RRBP1: variants seen among roughly 807,000 people sequenced by gnomAD.
RRBP1 encodes the protein ribosome binding protein 1, also known as ribosome-binding protein 1.
Under a neutral mutation model 165.2 loss-of-function variants are expected in RRBP1, and 94 were observed. The observed-to-expected ratio is 0.57, with a 90% CI of 0.48 to 0.68. RRBP1 has a LOEUF of 0.68. Ranked by LOEUF, RRBP1 falls within the 30% of genes least tolerant of loss-of-function variation. RRBP1 has a pLI of 0.00. For synonymous variants in RRBP1, 680 were observed against 714.5 expected (o/e 0.95, Z 0.77); for missense variants, 1,676 against 1,763.0 (o/e 0.95, Z 0.88).
At chr20:17,666,605 C>G (rs1465339625) in intron 2 of RRBP1, among the ~76,000 whole-genome samples, 2 of 152,128 alleles carry the variant, frequency 1.3e-5, no homozygotes, top group Non-Finnish European at 2.9e-5. Flanking sequence ...GAAAAAAAGA[C>G]AGTATTGTTT....
intron 5 of RRBP1, 128 bp from the exon 6 acceptor site, chr20:17,636,857 G>T: frequency 2.5e-6 from 3 of 1,181,952 alleles, no homozygotes; most frequent in Non-Finnish European, 3.6e-6. Flanking sequence ...TGCTGGCCGG[G>T]TTCTCAGCTA....
At position 17,636,634 on chromosome 20, in the gene RRBP1, T is replaced by A. The variant is rs545729679; in HGVS notation, c.2280A>T (p.Ala760=). 2.5e-6 allele frequency: 4 copies of A among 1,613,028 alleles called. No homozygotes were observed. In the East Asian group the frequency reaches 8.9e-5, roughly 36 times the overall value. ...AREQEITAVQ[A]RMQASYREHV... ...GCTCCCGGTAGCTGGCCTGCATGCG[T>A]GCCTGCACAGCCGTGATCTCCTGCT... is the stretch of plus-strand genomic sequence containing the variant. The change falls in exon 6 of 25, where the codon GCA becomes GCT. Residue 760 remains alanine (A), a synonymous_variant. Transcript: ENST00000377813.
intron 3 of RRBP1, among the ~76,000 whole-genome samples, chr20:17,649,245 C>T (rs2036515424): frequency 6.6e-6 from 1 of 152,162 alleles, no homozygotes; most frequent in Non-Finnish European, 1.5e-5. Context: ...ACTTGATCTC[C>T]GTGTACACCT....
intron 13 of RRBP1, chr20:17,623,036 C>G (rs1328811845): frequency 6.6e-6 from 1 of 152,236 alleles, no homozygotes; most frequent in Non-Finnish European, 1.5e-5. Flanking sequence ...GACCCTTGAC[C>G]TCACGACCAC....
intron 8 of RRBP1, 88 bp from the exon 9 acceptor site, chr20:17,630,049 A>AC: frequency 7.0e-7 from 1 of 1,421,256 alleles, no homozygotes; most frequent in Non-Finnish European, 9.5e-7. Context: ...AGAGCTCTTT[A>AC]CCCCACCAAA....
intron 12 of RRBP1, among the ~76,000 whole-genome samples, 157 bp downstream of exon 12, chr20:17,625,355 A>AC (rs1231832914): frequency 1.3e-5 from 2 of 151,746 alleles, no homozygotes; most frequent in South Asian, 4.2e-4. Flanking sequence ...GAGTAGAAGC[A>AC]CCCCCCACAC....
rs367945745 is a variant in RRBP1, at chr20:17,633,606, C to T, written c.2464G>A (p.Ala822Thr). Residue 822 changes from alanine (A) to threonine (T), a missense_variant, in exon 8 of 25, where the codon GCA becomes ACA. Ala to Thr is a moderately conservative substitution (Grantham distance 58, BLOSUM62 0). Around this residue, in one of 5 missense-constraint regions of RRBP1, gnomAD observed 1,184 missense variants for 1,167.1 expected, o/e 1.01. Coordinates refer to ENST00000377813, the MANE Select transcript of RRBP1 (RefSeq NM_001365613.2). ...ATSQVESKQNAELAKLRQELS... is the reference protein window; with the variant it reads ...ATSQVESKQNTELAKLRQELS... The stretch of plus-strand genomic sequence containing the variant: ...TCCTGCCGAAGCTTGGCCAGCTCTG[C>T]GTTCTGCCTGCAAGACAGTCACCAG... 1.5e-5 allele frequency: 25 copies of T among 1,613,624 alleles called. No individual in the cohort carries two copies. The Admixed American group carries it at 2.2e-4, about 14-fold the overall frequency.
rs2036111958 is a variant in RRBP1 at position 17,629,811 on chromosome 20, C to CACT, written c.2749+11_2749+12insAGT. On this transcript the variant is annotated intron_variant, in intron 9 of 24. Transcript: ENST00000377813. ...TGCACTGAACCCCCGGCCCCACTGC[C>CACT]GCCGCCCTTACCGGCCATCTGCTGC... 1 of 1,593,918 alleles carries CACT rather than the reference C, an allele frequency of 6.3e-7. No homozygotes were observed. Among genetic ancestry groups the CACT allele is most frequent in the Admixed American group, 1.7e-5 (1 of 59,764 alleles).
At position 17,633,586 on chromosome 20, in the gene RRBP1, C is replaced by T. The variant is rs371795817; in HGVS notation, c.2484G>A (p.Arg828=). The T allele has an allele frequency of 1.2e-6, 2 of 1,613,872 alleles. No homozygotes were observed. The highest frequency in any genetic ancestry group is 2.7e-5 in the African/African-American group (2 of 74,942). Residue 828 remains arginine (R), a synonymous_variant, in exon 8 of 25, where the codon CGG becomes CGA. Transcript: ENST00000377813. ...SKQNAELAKL[R]QELSKVSKEL... ...CTTTGCTGACCTTGCTGAGCTCCTG[C>T]CGAAGCTTGGCCAGCTCTGCGTTCT...
At chr20:17,630,251 G>C (rs1455509376) in intron 8 of RRBP1, among the ~76,000 whole-genome samples, 2 of 152,196 alleles carry the variant, frequency 1.3e-5, no homozygotes, top group Non-Finnish European at 2.9e-5. Context: ...CATGGTTACT[G>C]CAAGAGTCCA....
chr20:17,635,858 C>G (rs2036237688), intron 6 of RRBP1, among the ~76,000 whole-genome samples, 194 bp from the exon 7 acceptor site: 1 of 152,224 alleles, frequency 6.6e-6, no homozygotes, highest in Non-Finnish European at 1.5e-5. Flanking sequence ...CCAAGCATGA[C>G]TCCCACACCC....
chr20:17,616,782 C>A lies in RRBP1; in HGVS notation c.3817G>T (p.Ala1273Ser), dbSNP rs763808399. 2 of 1,612,916 alleles carry A rather than the reference C, an allele frequency of 1.2e-6. No homozygotes were observed. ...SHVEDGDIAG[A>S]PASSPEAPPA... is the part of the protein sequence containing the mutation. ...GGCGCCTCTGGGGAGGAAGCTGGGGCCCCAGCTATGTCACCATCCTCTACG... is the reference window on the plus strand; with the variant it reads ...GGCGCCTCTGGGGAGGAAGCTGGGGACCCAGCTATGTCACCATCCTCTACG... Residue 1273 changes from alanine (A) to serine (S), a missense_variant, in exon 21 of 25, where the codon GCC (alanine) becomes TCC (serine). Transcript: ENST00000377813.
intron 2 of RRBP1, among the ~76,000 whole-genome samples, chr20:17,678,883 G>A (rs536682429): frequency 2.0e-5 from 3 of 152,212 alleles, no homozygotes; most frequent in Admixed American, 6.5e-5. Context: ...GGAGACCCTC[G>A]GTGAAAAAAA....
rs371393241 is a variant in RRBP1 at position 17,621,450 on chromosome 20, A to G, written c.3414+8T>C. On this transcript the variant is annotated splice_region_variant and intron_variant, in intron 16 of 24. Coordinates refer to ENST00000377813, the MANE Select transcript of RRBP1 (RefSeq NM_001365613.2). Reference sequence around the variant, plus strand: ...GGGATGCCCAGCTGACAGGTTCCCAATGCTCACCGTCTCCGCCAGGATGCT... The same window carrying G: ...GGGATGCCCAGCTGACAGGTTCCCAGTGCTCACCGTCTCCGCCAGGATGCT... 164 of 1,608,526 alleles carry G rather than the reference A, an allele frequency of 1.0e-4. 3 individuals carry two copies. The highest frequency in any genetic ancestry group is 9.5e-4 in the African/African-American group (71 of 74,842).
chr20:17,638,383 T>A (rs1392115595), intron 5 of RRBP1, among the ~76,000 whole-genome samples: 1 of 152,158 alleles, frequency 6.6e-6, no homozygotes, highest in Non-Finnish European at 1.5e-5. Context: ...ACTTGGGTCA[T>A]CCTCAGCCCT....
At chr20:17,636,783 T>C in intron 5 of RRBP1, 54 bp from the exon 6 acceptor site, 2 of 1,603,514 alleles carry the variant, frequency 1.2e-6, no homozygotes, top group Non-Finnish European at 8.5e-7. Flanking sequence ...GGCAGGAGCC[T>C]ATCAGAAGGG....
intron 16 of RRBP1, among the ~76,000 whole-genome samples, chr20:17,621,074 T>A (rs754700170): frequency 1.3e-5 from 2 of 152,138 alleles, no homozygotes; most frequent in Non-Finnish European, 2.9e-5. Flanking sequence ...CTGCCGGGGT[T>A]TGCCACCAGC....
At chr20:17,623,995 G>A (rs1017749683) in intron 13 of RRBP1, among the ~76,000 whole-genome samples, 3 of 151,848 alleles carry the variant, frequency 2.0e-5, no homozygotes, top group African/African-American at 7.3e-5. Context: ...CAAGCAGCAG[G>A]ATTACCCGAC....
intron 3 of RRBP1, among the ~76,000 whole-genome samples, chr20:17,652,376 C>G (rs545366600): frequency 6.6e-6 from 1 of 152,294 alleles, no homozygotes; most frequent in South Asian, 2.1e-4. Context: ...CCCATGTGAC[C>G]AGTGCCTCCC....
Sources: allele counts gnomAD v4.1 joint callset (sites outside exome capture counted in the v4.1 genomes callset), GRCh38; gene constraint gnomAD v4.1.1; regional missense constraint gnomAD v4.1.1; transcripts MANE v1.5; gene names NCBI Gene and HGNC (gene_info 2026-07-23, HGNC 2026-07-21).